RAB11FIP4: variants seen among roughly 807,000 people sequenced by gnomAD.
RAB11FIP4 encodes rab11 family-interacting protein 4.
In RAB11FIP4, 23 loss-of-function variants were observed where a neutral mutation model predicts 74.3. That is an observed-to-expected ratio of 0.31 (90% confidence interval 0.22 to 0.44). The LOEUF is 0.44. Ranked by LOEUF, RAB11FIP4 falls within the 20% of genes least tolerant of loss-of-function variation. The pLI, the probability that RAB11FIP4 is intolerant of heterozygous loss-of-function variation, is 1.00. For missense variants in RAB11FIP4, 630 were observed against 863.9 expected (o/e 0.73, Z 3.39); for synonymous variants, 360 against 359.9 (o/e 1.00, Z 0.00).
intron 3 of RAB11FIP4, among the ~76,000 whole-genome samples, chr17:31,485,999 G>T (rs2071896990): frequency 6.6e-6 from 1 of 152,010 alleles, no homozygotes; most frequent in South Asian, 2.1e-4. Context: ...ACTTTGGGAG[G>T]CCAAGGCGGG....
At chr17:31,472,308 C>T (rs568144681) in intron 3 of RAB11FIP4, among the ~76,000 whole-genome samples, 19 of 152,308 alleles carry the variant, frequency 1.2e-4, no homozygotes, top group African/African-American at 3.8e-4. Flanking sequence ...CCATACCCAG[C>T]GCAGGGAACC....
At chr17:31,429,392 T>C (rs759289380) in intron 1 of RAB11FIP4, among the ~76,000 whole-genome samples, 1 of 152,138 alleles carries the variant, frequency 6.6e-6, no homozygotes, top group Non-Finnish European at 1.5e-5. Context: ...GCAACCGAAG[T>C]CATGATCTGC....
Position 31,472,835 on chromosome 17 carries a change from C to A in RAB11FIP4, c.336+38713C>A, listed in dbSNP as rs371895097. ...ATCTCTTGAGGTCAGGAGTTCGAGACCAGCCTGGCCAACATGGTGAAACCC... is the reference window on the plus strand; with the variant it reads ...ATCTCTTGAGGTCAGGAGTTCGAGAACAGCCTGGCCAACATGGTGAAACCC... On this transcript the variant is annotated intron_variant, in intron 3 of 14. Transcript: ENST00000621161. Among the ~76,000 whole-genome samples, 4 of 151,860 alleles carry A rather than the reference C, an allele frequency of 2.6e-5. No individual in the cohort carries two copies. The East Asian group carries it at 7.8e-4, about 30-fold the overall frequency.
chr17:31,426,541 C>G (rs1442510363), intron 1 of RAB11FIP4, among the ~76,000 whole-genome samples: 2 of 152,056 alleles, frequency 1.3e-5, no homozygotes, highest in East Asian at 3.9e-4. Context: ...TTGGTAATAA[C>G]CAGCATGCAT....
chr17:31,402,674 T>G (rs961956262), intron 1 of RAB11FIP4, among the ~76,000 whole-genome samples: 23 of 151,768 alleles, frequency 1.5e-4, no homozygotes, highest in Non-Finnish European at 5.9e-5. Flanking sequence ...CAGGCTGGCG[T>G]GCAGTGGCGC....
At chr17:31,463,174 A>G (rs1053189358) in intron 3 of RAB11FIP4, among the ~76,000 whole-genome samples, 1 of 152,192 alleles carries the variant, frequency 6.6e-6, no homozygotes, top group African/African-American at 2.4e-5. Context: ...GTCCTGCTGC[A>G]AGGCCGCTCA....
intron 3 of RAB11FIP4, among the ~76,000 whole-genome samples, chr17:31,491,676 G>T (rs1255063772): frequency 6.6e-6 from 1 of 152,246 alleles, no homozygotes; most frequent in Non-Finnish European, 1.5e-5. Flanking sequence ...CAAGCTCAGA[G>T]AGATGGGGGA....
intron 1 of RAB11FIP4, among the ~76,000 whole-genome samples, chr17:31,406,960 A>G (rs2071047533): frequency 6.6e-6 from 1 of 151,734 alleles, no homozygotes; most frequent in East Asian, 1.9e-4. Context: ...ACAAGAATAA[A>G]TAAGCCATTT....
intron 3 of RAB11FIP4, among the ~76,000 whole-genome samples, chr17:31,450,574 G>A (rs1277660404): frequency 1.3e-5 from 2 of 151,728 alleles, no homozygotes; most frequent in African/African-American, 4.8e-5. Context: ...CGATCTCCTG[G>A]CCTCAAGTGA....
At chr17:31,520,643 G>A (rs552960389) in intron 4 of RAB11FIP4, among the ~76,000 whole-genome samples, 18 of 152,180 alleles carry the variant, frequency 1.2e-4, no homozygotes, top group Non-Finnish European at 1.6e-4. Flanking sequence ...GAGTAGCTGC[G>A]ACTACAGGTG....
intron 3 of RAB11FIP4, among the ~76,000 whole-genome samples, chr17:31,438,978 C>T (rs2071385556): frequency 6.6e-6 from 1 of 152,132 alleles, no homozygotes; most frequent in African/African-American, 2.4e-5. Context: ...GGTACCGCCT[C>T]CTCCAGGAAG....
At chr17:31,425,630 A>C (rs2071241030) in intron 1 of RAB11FIP4, among the ~76,000 whole-genome samples, 1 of 152,228 alleles carries the variant, frequency 6.6e-6, no homozygotes, top group African/African-American at 2.4e-5. Context: ...TAGAAGGGGA[A>C]GCCTGGTAAT....
chr17:31,455,659 T>C (rs886859593), intron 3 of RAB11FIP4, among the ~76,000 whole-genome samples: 2 of 152,244 alleles, frequency 1.3e-5, no homozygotes, highest in Non-Finnish European at 2.9e-5. Flanking sequence ...TGATAATGTG[T>C]TGATAATTGG....
At chr17:31,485,683 G>A (rs879457050) in intron 3 of RAB11FIP4, among the ~76,000 whole-genome samples, 20 of 152,264 alleles carry the variant, frequency 1.3e-4, no homozygotes, top group Middle Eastern at 6.8e-3. Flanking sequence ...CAGATAGAGT[G>A]GGCCCAGGGT....
intron 3 of RAB11FIP4, among the ~76,000 whole-genome samples, chr17:31,511,780 C>G (rs2072456583): frequency 6.6e-6 from 1 of 152,202 alleles, no homozygotes; most frequent in Admixed American, 6.5e-5. Context: ...GCTGGGACGG[C>G]CCCCACGTGT....
intron 3 of RAB11FIP4, among the ~76,000 whole-genome samples, chr17:31,461,848 G>A (rs1237149690): frequency 6.6e-6 from 1 of 152,066 alleles, no homozygotes; most frequent in African/African-American, 2.4e-5. Context: ...TCTACTGAAT[G>A]GGAATCTGCA....
At chr17:31,477,526 G>GCGGGCGTCAGAGGCGCCTGGA (rs2071805893) in intron 3 of RAB11FIP4, among the ~76,000 whole-genome samples, 1 of 152,240 alleles carries the variant, frequency 6.6e-6, no homozygotes, top group Non-Finnish European at 1.5e-5. Context: ...GAAGAGCAGC[G>GCGGGCGTCAGAGGCGCCTGGA]CGGGCGTCAG....
At chr17:31,418,388 CA>C (rs1217463280) in intron 1 of RAB11FIP4, among the ~76,000 whole-genome samples, 1 of 149,208 alleles carries the variant, frequency 6.7e-6, no homozygotes, top group African/African-American at 2.5e-5. Flanking sequence ...GACTTCGTCT[CA>C]AAAAAATAAA....
chr17:31,500,094 G>A (rs948169645), intron 3 of RAB11FIP4, among the ~76,000 whole-genome samples: 3 of 152,128 alleles, frequency 2.0e-5, no homozygotes, highest in Admixed American at 2.0e-4. Flanking sequence ...TTAGGAAATG[G>A]GCTTACTGGG....
Sources: gnomAD v4.1 joint callset for allele counts (sites outside exome capture counted in the v4.1 genomes callset) on GRCh38, gnomAD v4.1.1 for gene constraint, MANE v1.5 for transcripts, NCBI Gene and HGNC (gene_info 2026-07-23, HGNC 2026-07-21) for gene names.